TBC1D12: variants seen among roughly 807,000 people sequenced by gnomAD.
The protein encoded by TBC1D12 is TBC1 domain family member 12.
In TBC1D12, 56 loss-of-function variants were observed where a neutral mutation model predicts 86.7. The observed-to-expected ratio is 0.65, with a 90% CI of 0.52 to 0.81. The LOEUF (loss-of-function observed/expected upper bound fraction) is 0.81. Ranked by LOEUF, TBC1D12 falls within the 30% of genes least tolerant of loss-of-function variation. TBC1D12 has a pLI of 0.00. For missense variants in TBC1D12, 1,023 were observed against 1,038.8 expected (o/e 0.98, Z 0.21); for synonymous variants, 421 against 411.7 (o/e 1.02, Z -0.27).
At chr10:94,418,820 G>T (rs980815344) in intron 1 of TBC1D12, among the ~76,000 whole-genome samples, 1 of 151,450 alleles carries the variant, frequency 6.6e-6, no homozygotes, top group African/African-American at 2.4e-5. Context: ...TGATCCACCC[G>T]CATCAGCCTC....
intron 11 of TBC1D12, among the ~76,000 whole-genome samples, chr10:94,525,309 A>C: frequency 6.6e-6 from 1 of 152,104 alleles, no homozygotes; most frequent in East Asian, 1.9e-4. Context: ...ATAAATAAAC[A>C]TTTTTTAAAG....
chr10:94,493,220 G>T, intron 3 of TBC1D12, 145 bp from the exon 4 acceptor site: 1 of 666,120 alleles, frequency 1.5e-6, no homozygotes, highest in South Asian at 1.8e-5. Flanking sequence ...AAAATGCACA[G>T]TTCTTTTCAG....
intron 1 of TBC1D12, among the ~76,000 whole-genome samples, chr10:94,439,752 T>C (rs2055353352): frequency 6.6e-6 from 1 of 152,182 alleles, no homozygotes; most frequent in Admixed American, 6.5e-5. Flanking sequence ...TTTTCTGTTA[T>C]CTTAGAGCAT....
intron 3 of TBC1D12, among the ~76,000 whole-genome samples, chr10:94,488,784 T>C (rs891818512): frequency 3.3e-5 from 5 of 152,166 alleles, no homozygotes; most frequent in African/African-American, 1.2e-4. Flanking sequence ...AGGGTGTCTC[T>C]AGAAATGTCA....
At chr10:94,420,292 C>A (rs1210567126) in intron 1 of TBC1D12, among the ~76,000 whole-genome samples, 1 of 152,134 alleles carries the variant, frequency 6.6e-6, no homozygotes, top group Non-Finnish European at 1.5e-5. Context: ...TTTGCTGGGA[C>A]CTTGATCTTA....
At chr10:94,470,821 C>A (rs1007049072) in intron 2 of TBC1D12, among the ~76,000 whole-genome samples, 1 of 147,540 alleles carries the variant, frequency 6.8e-6, no homozygotes, top group South Asian at 2.1e-4. Context: ...ATATGGAAAT[C>A]TGTGCTATTT....
chr10:94,467,789 G>A (rs879316584), intron 2 of TBC1D12, among the ~76,000 whole-genome samples: 3 of 152,108 alleles, frequency 2.0e-5, no homozygotes, highest in Non-Finnish European at 4.4e-5. Flanking sequence ...GTGCAGCAGT[G>A]AGCTCATAGC....
chr10:94,455,533 G>T (rs2055614701), intron 2 of TBC1D12, among the ~76,000 whole-genome samples: 1 of 152,110 alleles, frequency 6.6e-6, no homozygotes, highest in South Asian at 2.1e-4. Context: ...TTTCTGTTTT[G>T]GAAGATTATT....
intron 3 of TBC1D12, among the ~76,000 whole-genome samples, chr10:94,486,136 CTTCTTTTTTT>C (rs1463781355): frequency 2.5e-5 from 3 of 120,874 alleles, no homozygotes; most frequent in South Asian, 3.0e-4. Flanking sequence ...TCTTCTTCTT[CTTCTTTTTTT>C]TTTTTTTTTT....
At chr10:94,512,042 G>T (rs1185748858) in intron 9 of TBC1D12, among the ~76,000 whole-genome samples, 1 of 152,124 alleles carries the variant, frequency 6.6e-6, no homozygotes. Flanking sequence ...GAGGGGATTT[G>T]CTCCTTATAC....
intron 1 of TBC1D12, among the ~76,000 whole-genome samples, chr10:94,430,598 T>G (rs1038889772): frequency 1.1e-4 from 17 of 152,206 alleles, no homozygotes; most frequent in African/African-American, 4.1e-4. Flanking sequence ...GTAGCTTTTT[T>G]TGTGTGTGAT....
intron 9 of TBC1D12, among the ~76,000 whole-genome samples, chr10:94,513,782 A>G (rs1478508472): frequency 6.7e-6 from 1 of 150,324 alleles, no homozygotes; most frequent in East Asian, 2.0e-4. Flanking sequence ...CTTATCTTGA[A>G]CTCCTGGCTC....
rs767083366 is a variant in TBC1D12 at position 94,403,257 on chromosome 10, C to T, written c.644C>T (p.Ala215Val). 1 of 1,504,064 alleles carries T rather than the reference C, an allele frequency of 6.6e-7. No individual in the cohort carries two copies. The highest frequency in any genetic ancestry group is 1.3e-5 in the South Asian group (1 of 78,866). The allele number at this position is 1,504,064 out of a possible 1,614,324, so 93.2% of individuals were successfully genotyped here. The stretch of plus-strand genomic sequence containing the variant: ...GCGGACGCCCAGGAGCCCGAGGGCG[C>T]GGGCAGCGACTCGGGGGACAGCCCC... ...VAADAQEPEG[A>V]GSDSGDSPAS... Residue 215 changes from alanine to valine, a missense_variant, in exon 1 of 13, where the codon GCG becomes GTG. This residue lies in a region of TBC1D12 where 628 missense variants were observed against 531.1 expected (regional missense o/e 1.18). Coordinates refer to ENST00000225235, the MANE Select transcript of TBC1D12 (RefSeq NM_015188.2).
At chr10:94,491,795 C>T (rs2056249320) in intron 3 of TBC1D12, among the ~76,000 whole-genome samples, 1 of 108,362 alleles carries the variant, frequency 9.2e-6, no homozygotes, top group African/African-American at 2.8e-5. Context: ...TCAAAGAACC[C>T]TTATTTTATT....
intron 2 of TBC1D12, among the ~76,000 whole-genome samples, chr10:94,443,396 T>C (rs1176450982): frequency 6.6e-6 from 1 of 152,220 alleles, no homozygotes; most frequent in Non-Finnish European, 1.5e-5. Flanking sequence ...TGCTCCTGCC[T>C]CAGCTTCCTG....
chr10:94,403,073 G>T lies in TBC1D12; in HGVS notation c.460G>T (p.Gly154Trp), dbSNP rs2054792484. Residue 154 changes from glycine to tryptophan, a missense_variant, in exon 1 of 13, where the codon GGG becomes TGG. Around this residue, in one of 2 missense-constraint regions of TBC1D12, gnomAD observed 628 missense variants for 531.1 expected, o/e 1.18. Coordinates refer to ENST00000225235, the MANE Select transcript of TBC1D12 (RefSeq NM_015188.2). ...RDCRDLEEAR[G>W]LARAGGRESR... Reference sequence around the variant, plus strand: ...CTGTCGCGATCTGGAAGAGGCTCGCGGGCTGGCGCGCGCCGGCGGCCGGGA... The same window carrying T: ...CTGTCGCGATCTGGAAGAGGCTCGCTGGCTGGCGCGCGCCGGCGGCCGGGA... 14 of 1,468,396 alleles carry T rather than the reference G, an allele frequency of 9.5e-6. No individual in the cohort carries two copies. The highest frequency in any genetic ancestry group is 1.2e-5 in the Non-Finnish European group (13 of 1,114,590). The allele number at this position is 1,468,396 out of a possible 1,614,324, so 91.0% of individuals were successfully genotyped here.
chr10:94,460,889 CTTTA>C (rs937845569), intron 2 of TBC1D12, among the ~76,000 whole-genome samples: 1 of 152,030 alleles, frequency 6.6e-6, no homozygotes, highest in Non-Finnish European at 1.5e-5. Context: ...CAAAGGAATT[CTTTA>C]TTTCTGTTCC....
chr10:94,414,400 T>G (rs1466854516), intron 1 of TBC1D12, among the ~76,000 whole-genome samples: 1 of 152,214 alleles, frequency 6.6e-6, no homozygotes, highest in Non-Finnish European at 1.5e-5. Context: ...GTTAGCCATG[T>G]AGTTAGTTCT....
At chr10:94,522,591 C>A in intron 11 of TBC1D12, 138 bp downstream of exon 11, 1 of 440,334 alleles carries the variant, frequency 2.3e-6, no homozygotes, top group Non-Finnish European at 4.0e-6. Flanking sequence ...TAGAAACTTC[C>A]AAATTTTTGT....
Sources: allele counts gnomAD v4.1 joint callset (sites outside exome capture counted in the v4.1 genomes callset), GRCh38; gene constraint gnomAD v4.1.1; regional missense constraint gnomAD v4.1.1; transcripts MANE v1.5; gene names NCBI Gene and HGNC (gene_info 2026-07-23, HGNC 2026-07-21).